INSC: variants seen among roughly 807,000 people sequenced by gnomAD.
INSC encodes the protein protein inscuteable homolog.
Under a neutral mutation model 58.6 loss-of-function variants are expected in INSC, and 67 were observed. The ratio of observed to expected loss-of-function variants is 1.14; its 90% CI spans 0.94 to 1.40. The LOEUF (loss-of-function observed/expected upper bound fraction) is 1.40. INSC is among the 40% of genes most tolerant of loss of function. The pLI, the probability that INSC is intolerant of heterozygous loss-of-function variation, is 0.00. For missense variants in INSC, 714 were observed against 692.0 expected (o/e 1.03, Z -0.36); for synonymous variants, 262 against 276.1 (o/e 0.95, Z 0.51).
At chr11:15,138,947 C>A (rs974155012) in intron 1 of INSC, among the ~76,000 whole-genome samples, 1 of 152,052 alleles carries the variant, frequency 6.6e-6, no homozygotes, top group African/African-American at 2.4e-5. Context: ...TGAGCAAACT[C>A]CAATTTAGAG....
chr11:15,112,566 G>C (rs368896159), upstream of INSC: 4 of 1,556,192 alleles, frequency 2.6e-6, no homozygotes, highest in Admixed American at 3.5e-5. Context: ...GTGCTGTGCC[G>C]TATGTATCTG....
upstream of INSC, chr11:15,112,301 A>T: frequency 6.1e-6 from 3 of 495,226 alleles, no homozygotes; most frequent in Non-Finnish European, 1.1e-5. Flanking sequence ...GGAAGCTTCA[A>T]CTCTGAGCTC....
chr11:15,114,717 C>A (rs561264133), upstream of INSC, among the ~76,000 whole-genome samples: 1 of 152,196 alleles, frequency 6.6e-6, no homozygotes, highest in Admixed American at 6.5e-5. Flanking sequence ...GTTTCCCCCC[C>A]CAGGGGCACC....
intron 7 of INSC, among the ~76,000 whole-genome samples, chr11:15,206,561 C>G (rs945918682): frequency 6.6e-6 from 1 of 152,160 alleles, no homozygotes; most frequent in Admixed American, 6.5e-5. Flanking sequence ...GTAAGGGCCC[C>G]AGAGCCACAC....
intron 7 of INSC, among the ~76,000 whole-genome samples, chr11:15,206,368 G>A (rs2133895558): frequency 6.6e-6 from 1 of 152,316 alleles, no homozygotes; most frequent in Admixed American, 6.5e-5. Context: ...ACAAGGGCAG[G>A]GGCAGAGGGG....
intron 2 of INSC, among the ~76,000 whole-genome samples, chr11:15,169,746 C>T (rs1021182495): frequency 6.6e-6 from 1 of 151,896 alleles, no homozygotes; most frequent in African/African-American, 2.4e-5. Flanking sequence ...ACAGGTTTCA[C>T]CATGTTGGCT....
At chr11:15,208,531 T>C (rs1339207031) in intron 7 of INSC, among the ~76,000 whole-genome samples, 1 of 152,132 alleles carries the variant, frequency 6.6e-6, no homozygotes, top group African/African-American at 2.4e-5. Context: ...TGGGGGCACT[T>C]AAGGAGGCCA....
chr11:15,200,405 C>G (rs1040301185), intron 6 of INSC, among the ~76,000 whole-genome samples: 1 of 152,092 alleles, frequency 6.6e-6, no homozygotes, highest in Non-Finnish European at 1.5e-5. Flanking sequence ...GGCATCTAGT[C>G]AGTTCCTTCC....
chr11:15,135,047 G>C (rs536051408), intron 1 of INSC, among the ~76,000 whole-genome samples: 28 of 152,226 alleles, frequency 1.8e-4, no homozygotes, highest in African/African-American at 6.5e-4. Flanking sequence ...TGTTTGAAGA[G>C]AGCTGCCAAA....
intron 9 of INSC, among the ~76,000 whole-genome samples, chr11:15,229,105 C>A (rs1792568): frequency 2.2e-3 from 327 of 151,942 alleles, no homozygotes; most frequent in African/African-American, 7.7e-3. Flanking sequence ...CTGGCCTATC[C>A]GTCAAGCAGG....
intron 2 of INSC, among the ~76,000 whole-genome samples, chr11:15,167,343 G>A (rs958140621): frequency 6.6e-5 from 10 of 152,060 alleles, no homozygotes; most frequent in East Asian, 5.8e-4. Context: ...AGAGGTAGGC[G>A]GAGGCAAGGA....
At chr11:15,159,786 G>A (rs1848950936) in intron 2 of INSC, among the ~76,000 whole-genome samples, 1 of 152,102 alleles carries the variant, frequency 6.6e-6, no homozygotes, top group Non-Finnish European at 1.5e-5. Context: ...TCCTCACAGG[G>A]TCATTGTGAG....
chr11:15,256,768 G>T, the INSC span, among the ~76,000 whole-genome samples: 1 of 152,102 alleles, frequency 6.6e-6, no homozygotes, highest in African/African-American at 2.4e-5. Context: ...GATTACACGG[G>T]TGAGGCACTG....
At chr11:15,116,800 C>CT (rs879362526) in intron 1 of INSC, among the ~76,000 whole-genome samples, 16,015 of 105,278 alleles carry the variant, frequency 0.15, 1,538 homozygotes, top group Non-Finnish European at 0.22. Flanking sequence ...CTTTTCTTTT[C>CT]TTTCTTTTCT....
intron 6 of INSC, among the ~76,000 whole-genome samples, chr11:15,194,997 T>G (rs932538922): frequency 6.6e-6 from 1 of 152,218 alleles, no homozygotes; most frequent in Non-Finnish European, 1.5e-5. Context: ...TCCAAGTGAT[T>G]CTACTGTGCT....
At chr11:15,212,411 GCGTGAGCCACTGGGCCCTGC>G (rs1200899139) in intron 7 of INSC, among the ~76,000 whole-genome samples, 37 of 152,264 alleles carry the variant, frequency 2.4e-4, no homozygotes, top group African/African-American at 2.2e-4. Flanking sequence ...GGAATTACAG[GCGTGAGCCACTGGGCCCTGC>G]CGTGAGCCAC....
the INSC span, among the ~76,000 whole-genome samples, chr11:15,260,263 C>G: frequency 1.3e-5 from 2 of 152,136 alleles, no homozygotes; most frequent in Non-Finnish European, 2.9e-5. Flanking sequence ...TAAATGTCAT[C>G]TGGGTCCACC....
intron 2 of INSC, among the ~76,000 whole-genome samples, chr11:15,166,265 T>C (rs774323398): frequency 3.9e-5 from 6 of 152,172 alleles, no homozygotes; most frequent in South Asian, 2.1e-4. Context: ...GCTCTGAGAA[T>C]TGGGGCAATG....
downstream of INSC, chr11:15,247,255 G>A (rs1362154872): frequency 6.6e-6 from 1 of 152,052 alleles, no homozygotes; most frequent in Admixed American, 6.6e-5. Flanking sequence ...CCTGGGCTAA[G>A]CATCTAATTT....
Sources: gnomAD v4.1 joint callset for allele counts (sites outside exome capture counted in the v4.1 genomes callset) on GRCh38, gnomAD v4.1.1 for gene constraint, MANE v1.5 for transcripts, NCBI Gene and HGNC (gene_info 2026-07-23, HGNC 2026-07-21) for gene names.